Variants in ALMS1 observed in about 807,000 individuals in gnomAD.
ALMS1 encodes the protein centrosome-associated protein ALMS1.
Under a neutral mutation model 352.2 loss-of-function variants are expected in ALMS1, and 271 were observed. That is an observed-to-expected ratio of 0.77 (90% CI 0.70 to 0.85). ALMS1 has a LOEUF of 0.85. ALMS1 is among the 40% of genes least tolerant of loss of function. The pLI is 0.00. For synonymous variants in ALMS1, 1,865 were observed against 1,761.2 expected (o/e 1.06, Z -1.48); for missense variants, 5,445 against 4,870.7 (o/e 1.12, Z -3.51).
chr2:73,478,986 G>A (rs1672639739), intron 9 of ALMS1, among the ~76,000 whole-genome samples: 1 of 151,970 alleles, frequency 6.6e-6, no homozygotes, highest in Non-Finnish European at 1.5e-5. Flanking sequence ...GATGGCTTCC[G>A]GCTTCATCCA....
intron 16 of ALMS1, among the ~76,000 whole-genome samples, chr2:73,590,715 G>C (rs1370552632): frequency 2.5e-5 from 3 of 119,858 alleles, no homozygotes; most frequent in Non-Finnish European, 3.2e-5. Flanking sequence ...GTCTCGCTCT[G>C]TCACCCAGGC....
chr2:73,459,794 C>T (rs1672147658), intron 9 of ALMS1, among the ~76,000 whole-genome samples: 7 of 152,126 alleles, frequency 4.6e-5, no homozygotes, highest in Admixed American at 4.6e-4. Context: ...GTCCATTTCT[C>T]CAAGGGGCGC....
At position 73,577,230 on chromosome 2, in the gene ALMS1, C is replaced by T. The variant is rs188947608; in HGVS notation, c.11547+3806C>T. ...GAGAAGGATTAATGTTAATGATTGACGTTAATTCTTTAAATGTTGGTAGAA... is the reference window on the plus strand; with the variant it reads ...GAGAAGGATTAATGTTAATGATTGATGTTAATTCTTTAAATGTTGGTAGAA... On this transcript the variant is annotated intron_variant, in intron 16 of 22. Transcript: ENST00000613296. Among the ~76,000 whole-genome samples, 156 of 152,188 alleles carry T rather than the reference C, an allele frequency of 1.0e-3. 1 individual carries two copies. Among genetic ancestry groups the T allele is most frequent in the South Asian group, 7.9e-3 (38 of 4,820 alleles).
intron 1 of ALMS1, among the ~76,000 whole-genome samples, chr2:73,396,102 T>C (rs528178822): frequency 1.7e-4 from 26 of 152,318 alleles, no homozygotes; most frequent in African/African-American, 6.0e-4. Context: ...AGTATGATGT[T>C]AGTTGTGGGT....
chr2:73,609,531 T>C, intron 22 of ALMS1, 37 bp from the exon 23 acceptor site: 1 of 1,608,168 alleles, frequency 6.2e-7, no homozygotes, highest in Non-Finnish European at 8.5e-7. Flanking sequence ...ATGGCAGTAA[T>C]ATCTAACTTC....
Position 73,386,075 on chromosome 2 carries a change from C to CGACGAGGAG in ALMS1, c.218_226dup (p.Asp73_Glu75dup), listed in dbSNP as rs772848105. ...GGCCCCAGCATCTGGAAAGTATAGA[C>CGACGAGGAG]GACGAGGAGGACGAGGAGGCCAAGG... On this transcript the variant is annotated inframe_insertion, in exon 1 of 23. Transcript: ENST00000613296. 9.4e-6 allele frequency: 15 copies of CGACGAGGAG among 1,596,226 alleles called. No individual in the cohort carries two copies. Among genetic ancestry groups the CGACGAGGAG allele is most frequent in the Admixed American group, 1.7e-5 (1 of 57,534 alleles).
Position 73,558,968 on chromosome 2 carries a change from G to A in ALMS1, c.10214-4G>A, listed in dbSNP as rs757482053. 1.1e-5 allele frequency: 18 copies of A among 1,613,520 alleles called. No individual in the cohort carries two copies. The highest frequency in any genetic ancestry group is 5.0e-5 in the Admixed American group (3 of 59,968). On this transcript the variant is annotated splice_region_variant and splice_polypyrimidine_tract_variant and intron_variant, in intron 14 of 22. Coordinates refer to ENST00000613296, the MANE Select transcript of ALMS1 (RefSeq NM_001378454.1). ...TGTATAGTGTGTTAATTTCCCTTTC[G>A]TAGATTCCAGTGCTGCTGCTGCTGC...
At chr2:73,396,802 G>A (rs1320083639) in intron 1 of ALMS1, among the ~76,000 whole-genome samples, 1 of 151,630 alleles carries the variant, frequency 6.6e-6, no homozygotes, top group East Asian at 1.9e-4. Context: ...CTGCCACCAC[G>A]CCTGGCTAAT....
chr2:73,602,963 A>G (rs1675731397), intron 20 of ALMS1, among the ~76,000 whole-genome samples: 1 of 152,244 alleles, frequency 6.6e-6, no homozygotes, highest in Admixed American at 6.5e-5. Flanking sequence ...TGTGAAAACT[A>G]CAAAGCACTA....
chr2:73,486,447 G>A (rs1366727242), intron 9 of ALMS1, among the ~76,000 whole-genome samples: 1 of 152,188 alleles, frequency 6.6e-6, no homozygotes, highest in East Asian at 1.9e-4. Context: ...GGCTGGAGTA[G>A]AATGGTTATT....
At chr2:73,404,746 G>T (rs1165720697) in intron 1 of ALMS1, among the ~76,000 whole-genome samples, 1 of 151,774 alleles carries the variant, frequency 6.6e-6, no homozygotes, top group African/African-American at 2.4e-5. Flanking sequence ...TAATGTCTTT[G>T]TCTGACTTTG....
chr2:73,466,903 T>G (rs1672361016), intron 9 of ALMS1, among the ~76,000 whole-genome samples: 1 of 152,134 alleles, frequency 6.6e-6, no homozygotes, highest in Admixed American at 6.6e-5. Context: ...TCCAAGTTTC[T>G]TAAGTGTTTG....
Position 73,573,090 on chromosome 2 carries a change from G to T in ALMS1, c.11213G>T (p.Arg3738Leu). Reference protein sequence around the residue: ...NYISNTSSDCRPSEESELLTD... With the variant: ...NYISNTSSDCLPSEESELLTD... ...ATAAGCAACACTTCTTCGGATTGTCGGCCCTCAGAGGAGAGTGAGCTGCTC... is the reference window on the plus strand; with the variant it reads ...ATAAGCAACACTTCTTCGGATTGTCTGCCCTCAGAGGAGAGTGAGCTGCTC... Residue 3738 changes from arginine (R) to leucine (L), a missense_variant, in exon 16 of 23, where the codon CGG becomes CTG. By Grantham distance (102) the Arg-to-Leu change is moderately radical (BLOSUM62 -2). Coordinates refer to ENST00000613296, the MANE Select transcript of ALMS1 (RefSeq NM_001378454.1). The T allele has an allele frequency of 1.2e-6, 2 of 1,613,868 alleles. No homozygotes were observed. The highest frequency in any genetic ancestry group is 1.7e-6 in the Non-Finnish European group (2 of 1,179,956).
chr2:73,451,982 G>C lies in ALMS1; in HGVS notation c.5455G>C (p.Glu1819Gln). Residue 1819 changes from glutamate (E) to glutamine (Q), a missense_variant, in exon 8 of 23, where the codon GAG becomes CAG. Glu to Gln is a conservative substitution (Grantham distance 29). Coordinates refer to ENST00000613296, the MANE Select transcript of ALMS1 (RefSeq NM_001378454.1). ...REKPIVSYQR[E>Q]LPHFTEAGLK... is the part of the protein sequence containing the mutation. ...GAAGCCCATTGTTTCCTACCAGCGA[G>C]AGTTGCCGCATTTTACTGAAGCAGG... 26 of 1,613,570 alleles carry C rather than the reference G, an allele frequency of 1.6e-5. No homozygotes were observed. The highest frequency in any genetic ancestry group is 2.2e-5 in the Non-Finnish European group (26 of 1,179,744).
At chr2:73,458,967 G>A (rs930174236) in intron 9 of ALMS1, 2 of 152,198 alleles carry the variant, frequency 1.3e-5, no homozygotes, top group African/African-American at 4.8e-5. Flanking sequence ...ACAATGAAGA[G>A]TTGTCCCTTG....
At chr2:73,422,823 C>A (rs376175673) in intron 3 of ALMS1, 34 bp from the exon 4 acceptor site, 43 of 1,514,762 alleles carry the variant, frequency 2.8e-5, no homozygotes, top group Non-Finnish European at 3.9e-5. Context: ...CAATTTTCAG[C>A]ATTACCCAGC....
chr2:73,412,808 C>T (rs1671105553), intron 2 of ALMS1, among the ~76,000 whole-genome samples: 1 of 151,770 alleles, frequency 6.6e-6, no homozygotes, highest in South Asian at 2.1e-4. Flanking sequence ...AAACAAAAAA[C>T]AAAAAACAAA....
chr2:73,573,502 A>T (rs999755648), intron 16 of ALMS1, 78 bp downstream of exon 16: 1 of 1,491,684 alleles, frequency 6.7e-7, no homozygotes, highest in East Asian at 2.4e-5. Context: ...CACACAGGTG[A>T]AAAAAACAAG....
Position 73,490,715 on chromosome 2 carries a change from C to A in ALMS1, c.8756C>A (p.Pro2919His), listed in dbSNP as rs1672963053. Residue 2919 changes from proline (P) to histidine (H), a missense_variant, in exon 10 of 23, where the codon CCT becomes CAT. By Grantham distance (77) the Pro-to-His change is moderately conservative. Transcript: ENST00000613296. ...QHQDYVAPDL[P>H]SCIFLEQREL... ...CAGGATTATGTAGCTCCAGACCTTC[C>A]TTCTTGCATTTTTCTTGAACAACGA... 1 of 1,614,186 alleles carries A rather than the reference C, an allele frequency of 6.2e-7. No individual in the cohort carries two copies. Among genetic ancestry groups the A allele is most frequent in the Non-Finnish European group, 8.5e-7 (1 of 1,180,030 alleles).
Sources: allele counts gnomAD v4.1 joint callset (sites outside exome capture counted in the v4.1 genomes callset), GRCh38; gene constraint gnomAD v4.1.1; transcripts MANE v1.5; gene names NCBI Gene and HGNC (gene_info 2026-07-23, HGNC 2026-07-21).